ITGB8: variants seen among roughly 807,000 people sequenced by gnomAD.
ITGB8 encodes integrin beta-8.
A neutral mutation model predicts 89.5 loss-of-function variants in ITGB8; 30 were observed. The observed-to-expected ratio is 0.34, with a 90% CI of 0.25 to 0.45. The LOEUF (loss-of-function observed/expected upper bound fraction) is 0.45. Ranked by LOEUF, ITGB8 falls within the 20% of genes least tolerant of loss-of-function variation. ITGB8 has a pLI of 1.00. For synonymous variants in ITGB8, 335 were observed against 320.4 expected, an observed-to-expected ratio of 1.05 and a Z score of -0.49; for missense variants, 836 against 933.3, an observed-to-expected ratio of 0.90 and a Z score of 1.36.
chr7:20,363,613 T>C, intron 1 of ITGB8, 24 bp from the exon 2 acceptor site: 1 of 1,402,130 alleles, frequency 7.1e-7, no homozygotes, highest in Non-Finnish European at 9.8e-7. Flanking sequence ...GAGTAAATTA[T>C]AACTGTTTTC....
chr7:20,401,769 G>C lies in ITGB8; in HGVS notation c.1330G>C (p.Gly444Arg), dbSNP rs766126562. The part of the protein sequence containing the change: ...VTMKKCDVTG[G>R]KNYAIIKPIG... ...AATGAAAAAATGTGATGTCACAGGA[G>C]GAAAAAACTATGCAATAATCAAACC... The change falls in exon 10 of 14, where the codon GGA becomes CGA. Residue 444 changes from glycine to arginine, a missense_variant. Around this residue, in one of 5 missense-constraint regions of ITGB8, gnomAD observed 422 missense variants for 416.9 expected, o/e 1.01. Transcript: ENST00000222573. 18 of 1,593,726 alleles carry C rather than the reference G, an allele frequency of 1.1e-5. No individual in the cohort carries two copies. The highest frequency in any genetic ancestry group is 5.5e-5 in the Admixed American group (3 of 54,486).
intron 1 of ITGB8, among the ~76,000 whole-genome samples, chr7:20,337,389 A>T (rs1341026317): frequency 2.0e-5 from 3 of 152,226 alleles, no homozygotes; most frequent in Non-Finnish European, 4.4e-5. Flanking sequence ...ATTCATTCAG[A>T]CTTTCTTAAA....
intron 6 of ITGB8, among the ~76,000 whole-genome samples, chr7:20,387,675 C>T (rs578061179): frequency 6.6e-6 from 1 of 152,170 alleles, no homozygotes. Context: ...GACCAGGGTG[C>T]TGTTAAACAT....
intron 4 of ITGB8, chr7:20,380,409 T>C (rs1016882561): frequency 5.1e-6 from 2 of 393,662 alleles, no homozygotes; most frequent in South Asian, 2.8e-5. Flanking sequence ...TTAACTGTCC[T>C]ATATTAAAAA....
intron 1 of ITGB8, among the ~76,000 whole-genome samples, chr7:20,339,525 C>G (rs1157572404): frequency 6.6e-6 from 1 of 152,106 alleles, no homozygotes; most frequent in African/African-American, 2.4e-5. Context: ...AAGATCAATT[C>G]TTGCTAGGAA....
chr7:20,364,060 A>G (rs979922069), intron 2 of ITGB8, among the ~76,000 whole-genome samples: 3 of 152,190 alleles, frequency 2.0e-5, no homozygotes, highest in African/African-American at 4.8e-5. Context: ...AGCTTGAGGC[A>G]TTAGGTTATG....
rs554994590 is a variant in ITGB8, at chr7:20,353,716, G to A, written c.128-9921G>A. On this transcript the variant is annotated intron_variant, in intron 1 of 13. Coordinates refer to ENST00000222573, the MANE Select transcript of ITGB8 (RefSeq NM_002214.3). ...TGGGAGGCCGAGGCGGGCGGATCAC[G>A]AGGTCAGGAGATCGAGACCATCCTG... Among the ~76,000 whole-genome samples, 9 of 147,182 alleles carry A rather than the reference G, an allele frequency of 6.1e-5. No individual in the cohort carries two copies. The South Asian group carries it at 1.2e-3, about 20-fold the overall frequency.
Position 20,412,719 on chromosome 7 carries a change from T to C in ITGB8, c.*2722T>C, listed in dbSNP as rs1359744501. ...TACTTAAAAAGCTAATTTTTAAAGA[T>C]TGTAGGGCTTGTATTTTACTTGAAT... is the stretch of plus-strand genomic sequence containing the variant. On this transcript the variant is annotated 3_prime_UTR_variant, in exon 14 of 14. Coordinates refer to ENST00000222573, the MANE Select transcript of ITGB8 (RefSeq NM_002214.3). The C allele has an allele frequency of 2.0e-5, 3 of 152,582 alleles. No individual in the cohort carries two copies. The highest frequency in any genetic ancestry group is 4.4e-5 in the Non-Finnish European group (3 of 68,008). The allele number at this position is 152,582 out of a possible 1,614,324, so 9.5% of individuals were successfully genotyped here. A position where few individuals can be genotyped will look rare whatever the true frequency, so the allele number is the denominator to read the frequency against.
At chr7:20,406,459 A>G (rs1392131389) in intron 12 of ITGB8, among the ~76,000 whole-genome samples, 1 of 152,024 alleles carries the variant, frequency 6.6e-6, no homozygotes, top group African/African-American at 2.4e-5. Flanking sequence ...CATAGGCAGG[A>G]GAATCCCTTG....
chr7:20,388,554 T>A (rs1245315752), intron 6 of ITGB8, among the ~76,000 whole-genome samples: 1 of 152,226 alleles, frequency 6.6e-6, no homozygotes, highest in Non-Finnish European at 1.5e-5. Context: ...CTTGAGGTAC[T>A]TGGAATTTTC....
At chr7:20,364,157 G>C (rs149551085) in intron 2 of ITGB8, among the ~76,000 whole-genome samples, 230 of 152,220 alleles carry the variant, frequency 1.5e-3, no homozygotes, top group African/African-American at 5.2e-3. Context: ...CAATTACAAT[G>C]CATTCCATCT....
chr7:20,408,230 C>T (rs1787623510), intron 12 of ITGB8, among the ~76,000 whole-genome samples: 1 of 152,104 alleles, frequency 6.6e-6, no homozygotes, highest in Non-Finnish European at 1.5e-5. Context: ...CTGTGGAGGC[C>T]TCAAAAGACA....
chr7:20,390,507 TCTAA>T (rs993118115), intron 6 of ITGB8, among the ~76,000 whole-genome samples: 4 of 152,118 alleles, frequency 2.6e-5, no homozygotes, highest in Non-Finnish European at 2.9e-5. Flanking sequence ...CCTACTCTTC[TCTAA>T]CTTTCTCATT....
At chr7:20,359,375 C>T (rs1476024549) in intron 1 of ITGB8, among the ~76,000 whole-genome samples, 1 of 152,214 alleles carries the variant, frequency 6.6e-6, no homozygotes, top group East Asian at 1.9e-4. Flanking sequence ...TGCAACATCA[C>T]TAGGCAAATA....
chr7:20,401,922 G>C lies in ITGB8; in HGVS notation c.1483G>C (p.Asp495His). ...TFLDSKCFQCDENKCHFDEDQ... is the reference protein window; with the variant it reads ...TFLDSKCFQCHENKCHFDEDQ... The stretch of plus-strand genomic sequence containing the variant: ...TCTAGATTCCAAGTGTTTCCAGTGT[G>C]ATGAGAATAAATGTCATTTTGATGA... Residue 495 changes from aspartate (D) to histidine (H), a missense_variant, in exon 10 of 14, where the codon GAT (aspartate) becomes CAT (histidine). This residue lies in a region of ITGB8 where 422 missense variants were observed against 416.9 expected (regional missense o/e 1.01). Coordinates refer to ENST00000222573, the MANE Select transcript of ITGB8 (RefSeq NM_002214.3). 1 of 1,614,132 alleles carries C rather than the reference G, an allele frequency of 6.2e-7. No homozygotes were observed. The highest frequency in any genetic ancestry group is 8.5e-7 in the Non-Finnish European group (1 of 1,179,974).
At chr7:20,384,335 A>G (rs1329355050) in intron 6 of ITGB8, among the ~76,000 whole-genome samples, 1 of 152,200 alleles carries the variant, frequency 6.6e-6, no homozygotes, top group African/African-American at 2.4e-5. Flanking sequence ...GAAACAACTG[A>G]TTAAAAAACC....
At chr7:20,334,651 C>G (rs1000700894) in intron 1 of ITGB8, among the ~76,000 whole-genome samples, 2 of 152,054 alleles carry the variant, frequency 1.3e-5, no homozygotes, top group African/African-American at 4.8e-5. Flanking sequence ...CTAAAGTGAT[C>G]GGATATTTAA....
intron 3 of ITGB8, among the ~76,000 whole-genome samples, chr7:20,368,368 T>C (rs1253940300): frequency 6.6e-6 from 1 of 152,196 alleles, no homozygotes; most frequent in African/African-American, 2.4e-5. Flanking sequence ...AAATTGTACG[T>C]TCTCGTACAC....
At position 20,404,838 on chromosome 7, in the gene ITGB8, C is replaced by A. The variant is rs140857851; in HGVS notation, c.1898C>A (p.Ala633Asp). The A allele has an allele frequency of 3.7e-6, 6 of 1,614,038 alleles. No individual in the cohort carries two copies. The highest frequency in any genetic ancestry group is 5.1e-6 in the Non-Finnish European group (6 of 1,179,894). The change falls in exon 11 of 14, where the codon GCC (alanine) becomes GAC (aspartate). Residue 633 changes from alanine to aspartate, a missense_variant. Ala to Asp is a moderately radical substitution (Grantham distance 126). Coordinates refer to ENST00000222573, the MANE Select transcript of ITGB8 (RefSeq NM_002214.3). ...GAACACTGCCCCACCTGTTATACAG[C>A]CTGCAAGGAAAACTGGTATGATTTC... ...FCEHCPTCYT[A>D]CKENWNCMQC...
Sources: gnomAD v4.1 joint callset for allele counts (sites outside exome capture counted in the v4.1 genomes callset) on GRCh38, gnomAD v4.1.1 for gene constraint, gnomAD v4.1.1 regional missense constraint, MANE v1.5 for transcripts, NCBI Gene and HGNC (gene_info 2026-07-23, HGNC 2026-07-21) for gene names.